RAB22A: variants seen among roughly 807,000 people sequenced by gnomAD.
The protein encoded by RAB22A is ras-related protein Rab-22A.
Under a neutral mutation model 30.2 loss-of-function variants are expected in RAB22A, and 13 were observed. The ratio of observed to expected loss-of-function variants is 0.43; its 90% confidence interval spans 0.28 to 0.68. The LOEUF (loss-of-function observed/expected upper bound fraction) is 0.68. RAB22A is among the 30% of genes least tolerant of loss of function. RAB22A has a pLI of 0.18. For synonymous variants in RAB22A, 89 were observed against 87.2 expected (o/e 1.02, Z -0.11); for missense variants, 177 against 246.8 (o/e 0.72, Z 1.89).
chr20:58,336,288 G>A (rs527991), intron 2 of RAB22A, among the ~76,000 whole-genome samples: 81,157 of 152,014 alleles, frequency 0.53, 23,039 homozygotes, highest in African/African-American at 0.73. Flanking sequence ...CTGGGATTAC[G>A]GGTATGAGCC....
intron 3 of RAB22A, among the ~76,000 whole-genome samples, chr20:58,344,035 T>TA (rs951132169): frequency 2.6e-5 from 4 of 152,298 alleles, no homozygotes; most frequent in African/African-American, 9.6e-5. Context: ...TGCAGTGTCT[T>TA]AAAGTAAATG....
At chr20:58,353,405 A>T in intron 4 of RAB22A, 27 bp from the exon 5 acceptor site, 2 of 1,607,990 alleles carry the variant, frequency 1.2e-6, no homozygotes, top group Non-Finnish European at 1.7e-6. Flanking sequence ...TTAGATCTCC[A>T]GTTGCTCTCT....
chr20:58,334,180 A>G (rs1011983110), intron 2 of RAB22A, among the ~76,000 whole-genome samples: 24 of 151,938 alleles, frequency 1.6e-4, no homozygotes, highest in Admixed American at 5.2e-4. Context: ...AAAACACAAA[A>G]AAACATTAGC....
intron 2 of RAB22A, among the ~76,000 whole-genome samples, chr20:58,332,319 G>A (rs1290030790): frequency 1.3e-5 from 2 of 152,158 alleles, no homozygotes; most frequent in Non-Finnish European, 2.9e-5. Context: ...GCCATAGATG[G>A]GAACAGTTGG....
intron 2 of RAB22A, among the ~76,000 whole-genome samples, chr20:58,339,928 G>A (rs1371195206): frequency 6.6e-6 from 1 of 152,122 alleles, no homozygotes; most frequent in Non-Finnish European, 1.5e-5. Context: ...CCCAGAGCTC[G>A]GGAGGCGCCA....
intron 3 of RAB22A, among the ~76,000 whole-genome samples, chr20:58,345,109 G>A (rs1356309550): frequency 6.6e-6 from 1 of 152,024 alleles, no homozygotes; most frequent in Non-Finnish European, 1.5e-5. Context: ...ACGAATCCGT[G>A]TGGCCCTTCC....
chr20:58,358,606 G>A (rs777990587), intron 6 of RAB22A, among the ~76,000 whole-genome samples: 4 of 152,146 alleles, frequency 2.6e-5, no homozygotes, highest in Non-Finnish European at 4.4e-5. Flanking sequence ...TTAAAAAGAA[G>A]GCAGCAGGCC....
chr20:58,354,019 G>A (rs544457400), intron 5 of RAB22A, 137 bp from the exon 6 acceptor site: 5 of 572,398 alleles, frequency 8.7e-6, no homozygotes, highest in African/African-American at 5.6e-5. Flanking sequence ...TAATCGAGAA[G>A]ACCATGTCTC....
Position 58,363,160 on chromosome 20 carries a change from T to C in RAB22A, c.*3457T>C, listed in dbSNP as rs937596392. 1.3e-5 allele frequency: 2 copies of C among 152,226 alleles called. No individual in the cohort carries two copies. Among genetic ancestry groups the C allele is most frequent in the Non-Finnish European group, 2.9e-5 (2 of 68,042 alleles). The allele number at this position is 152,226 out of a possible 1,614,324, so 9.4% of individuals were successfully genotyped here. The stretch of plus-strand genomic sequence containing the variant: ...TTGTGTTAAAATAAGCAGTTTAGAT[T>C]CCGACGACACTGCACTAATTGGCAT... On this transcript the variant is annotated 3_prime_UTR_variant, in exon 7 of 7. Transcript: ENST00000244040.
rs2122968422 is a variant in RAB22A, at chr20:58,353,539, G to A, written c.377+1G>A. ...ATAAATGTGATCTTATCGATGTAAG[G>A]TAAGTTATTAGAACGAGAGATTACA... is the stretch of plus-strand genomic sequence containing the variant. On this transcript the variant is annotated splice_donor_variant, in intron 5 of 6. Transcript: ENST00000244040. LOFTEE classifies it high-confidence loss of function. 2 of 1,581,434 alleles carry A rather than the reference G, an allele frequency of 1.3e-6. No individual in the cohort carries two copies. Among genetic ancestry groups the A allele is most frequent in the South Asian group, 1.1e-5 (1 of 90,324 alleles).
chr20:58,338,479 G>A (rs1362801677), intron 2 of RAB22A, among the ~76,000 whole-genome samples: 4 of 152,136 alleles, frequency 2.6e-5, no homozygotes, highest in South Asian at 2.1e-4. Context: ...AGTGGGTATC[G>A]ACTGCTTGGG....
At chr20:58,338,137 C>T (rs1290927315) in intron 2 of RAB22A, among the ~76,000 whole-genome samples, 1 of 151,986 alleles carries the variant, frequency 6.6e-6, no homozygotes, top group East Asian at 1.9e-4. Context: ...AGTAATTCTC[C>T]TGCCTCAGCC....
chr20:58,311,810 T>A (rs188774400), intron 2 of RAB22A, among the ~76,000 whole-genome samples: 226 of 152,268 alleles, frequency 1.5e-3, no homozygotes, highest in African/African-American at 5.1e-3. Context: ...AAAGAAAAAA[T>A]CTATGTTATC....
chr20:58,322,667 AAAT>A (rs1986483503), intron 2 of RAB22A, among the ~76,000 whole-genome samples: 1 of 152,210 alleles, frequency 6.6e-6, no homozygotes, highest in Non-Finnish European at 1.5e-5. Context: ...GTCTGTGTTC[AAAT>A]AATAACAGTT....
intron 2 of RAB22A, among the ~76,000 whole-genome samples, chr20:58,333,512 A>G (rs1184761587): frequency 2.0e-5 from 3 of 151,332 alleles, no homozygotes; most frequent in African/African-American, 7.3e-5. Flanking sequence ...GGCTTTAAAT[A>G]TATATGTAAC....
intron 2 of RAB22A, among the ~76,000 whole-genome samples, chr20:58,320,159 A>G (rs991711700): frequency 2.0e-5 from 3 of 152,218 alleles, no homozygotes; most frequent in African/African-American, 7.2e-5. Flanking sequence ...GAGTTTGTGT[A>G]GAATTGGTAT....
chr20:58,346,724 G>T (rs1163120270), intron 3 of RAB22A, among the ~76,000 whole-genome samples: 1 of 152,210 alleles, frequency 6.6e-6, no homozygotes, highest in African/African-American at 2.4e-5. Context: ...ACAGTGTCTT[G>T]TTCACTGCTG....
chr20:58,315,372 T>A lies in RAB22A; in HGVS notation c.116+4250T>A, dbSNP rs73293047. Among the ~76,000 whole-genome samples, 1,016 of 152,306 alleles carry A rather than the reference T, an allele frequency of 6.7e-3. 14 individuals are homozygous for A. Among genetic ancestry groups the A allele is most frequent in the African/African-American group, 0.024 (977 of 41,552 alleles). On this transcript the variant is annotated intron_variant, in intron 2 of 6. Coordinates refer to ENST00000244040, the MANE Select transcript of RAB22A (RefSeq NM_020673.3). ...ACCTAGTCTCCTACAGAACTCCGTC[T>A]TTGTTCCTCCTCCAGTCCTGCATAC...
rs73294951 is a variant in RAB22A at position 58,358,249 on chromosome 20, C to T, written c.488-1357C>T. Among the ~76,000 whole-genome samples the T allele has an allele frequency of 2.8e-3, 426 of 152,280 alleles. 1 individual carries two copies. The highest frequency in any genetic ancestry group is 9.7e-3 in the African/African-American group (402 of 41,542). ...TGCTTCACGGAGCAGTGAAGTGAAA[C>T]CTGTTCATTCTCATGCATTGTTGGT... On this transcript the variant is annotated intron_variant, in intron 6 of 6. Transcript: ENST00000244040.
Sources: gnomAD v4.1 joint callset for allele counts (sites outside exome capture counted in the v4.1 genomes callset) on GRCh38, gnomAD v4.1.1 for gene constraint, MANE v1.5 for transcripts, NCBI Gene and HGNC (gene_info 2026-07-23, HGNC 2026-07-21) for gene names.